MYOM2: variants seen among roughly 807,000 people sequenced by gnomAD.
MYOM2 encodes myomesin 2.
In MYOM2, 254 loss-of-function variants were observed where a neutral mutation model predicts 187.6. The observed-to-expected ratio is 1.35, with a 90% CI of 1.22 to 1.50. The LOEUF (loss-of-function observed/expected upper bound fraction) is 1.50. Ranked by LOEUF, MYOM2 falls within the 40% of genes most tolerant of loss-of-function variation. The pLI is 0.00. For synonymous variants in MYOM2, 981 were observed against 753.8 expected, an observed-to-expected ratio of 1.30 and a Z score of -4.94; for missense variants, 2,796 against 1,924.0, an observed-to-expected ratio of 1.45 and a Z score of -8.48.
chr8:2,069,979 G>A (rs567165837), intron 8 of MYOM2, among the ~76,000 whole-genome samples: 1 of 152,172 alleles, frequency 6.6e-6, no homozygotes, highest in African/African-American at 2.4e-5. Context: ...TCAAAACAAG[G>A]GCAGTGCAGC....
chr8:2,126,220 T>A (rs796942850), intron 31 of MYOM2, among the ~76,000 whole-genome samples: 3 of 152,148 alleles, frequency 2.0e-5, no homozygotes, highest in Non-Finnish European at 4.4e-5. Flanking sequence ...GGGAGTTGGA[T>A]AGGGACAGAG....
At chr8:2,133,842 T>C (rs1797960351) in intron 32 of MYOM2, among the ~76,000 whole-genome samples, 1 of 152,174 alleles carries the variant, frequency 6.6e-6, no homozygotes. Context: ...GTATATAATA[T>C]TCAGTTACAA....
chr8:2,123,623 C>G lies in MYOM2; in HGVS notation c.3636C>G (p.Ile1212Met). The G allele has an allele frequency of 6.2e-7, 1 of 1,614,150 alleles. No homozygotes were observed. The highest frequency in any genetic ancestry group is 8.5e-7 in the Non-Finnish European group (1 of 1,179,996). ...ATGACAGAGGCCAAGATGTGTCCAT[C>G]CTTGAAATAGCTGGCAAAGGTAAAA... ...LKDDRGQDVS[I>M]LEIAGKVYDD... The change falls in exon 30 of 37, where the codon ATC becomes ATG. Residue 1212 changes from isoleucine (I) to methionine (M), a missense_variant. Physicochemically the swap from Ile to Met is conservative, Grantham distance 10. Coordinates refer to ENST00000262113, the MANE Select transcript of MYOM2 (RefSeq NM_003970.4).
chr8:2,137,203 C>T (rs1292590479), intron 32 of MYOM2, among the ~76,000 whole-genome samples: 1 of 151,698 alleles, frequency 6.6e-6, no homozygotes, highest in Non-Finnish European at 1.5e-5. Flanking sequence ...ATCAAGAAAA[C>T]ATTGTCTTCT....
rs959378204 is a variant in MYOM2, at chr8:2,057,733, G to A, written c.513G>A (p.Val171=). The A allele has an allele frequency of 3.1e-6, 5 of 1,614,116 alleles. No homozygotes were observed. Among genetic ancestry groups the A allele is most frequent in the Non-Finnish European group, 4.2e-6 (5 of 1,180,020 alleles). The change falls in exon 5 of 37, where the codon GTG becomes GTA. Residue 171 remains valine, a synonymous_variant. Coordinates refer to ENST00000262113, the MANE Select transcript of MYOM2 (RefSeq NM_003970.4). The part of the protein sequence containing the change: ...RSHTVWERMS[V]KLCFTVQGFP... The stretch of plus-strand genomic sequence containing the variant: ...ACACCGTCTGGGAGAGGATGTCTGT[G>A]AAACTCTGCTTCACCGTGCAAGGAT...
At chr8:2,127,039 G>C (rs1585954126) in intron 31 of MYOM2, among the ~76,000 whole-genome samples, 1 of 151,918 alleles carries the variant, frequency 6.6e-6, no homozygotes, top group Non-Finnish European at 1.5e-5. Flanking sequence ...CTTCTGGTCT[G>C]TGTGCTTTGC....
At chr8:2,079,817 G>C (rs1819560832) in intron 13 of MYOM2, among the ~76,000 whole-genome samples, 1 of 152,174 alleles carries the variant, frequency 6.6e-6, no homozygotes, top group Non-Finnish European at 1.5e-5. Flanking sequence ...GAGAGGGTGG[G>C]AGAAAGGGTG....
chr8:2,061,204 A>G (rs1052682052), intron 6 of MYOM2, among the ~76,000 whole-genome samples: 12 of 151,144 alleles, frequency 7.9e-5, no homozygotes, highest in African/African-American at 2.9e-4. Context: ...CTCTGTCCCC[A>G]TCCAGCCTGG....
At chr8:2,128,643 T>C (rs1355979071) in intron 31 of MYOM2, among the ~76,000 whole-genome samples, 1 of 152,226 alleles carries the variant, frequency 6.6e-6, no homozygotes, top group Non-Finnish European at 1.5e-5. Context: ...TGGGGTTTCT[T>C]CTGCTTTCCT....
chr8:2,095,293 CTT>C lies in MYOM2; in HGVS notation c.2126-940_2126-939del, dbSNP rs201143467. 3.1e-4 allele frequency among the ~76,000 whole-genome samples: 42 copies of C among 136,580 alleles called. No individual in the cohort carries two copies. The East Asian group carries it at 6.6e-3, about 21-fold the overall frequency. The allele number at this position is 136,580 out of a possible 152,430, so 89.6% of individuals were successfully genotyped here. ...ATTCCTACTAAAGGAAAACCACTTTCTTTTTTTTTTTTTTTCGACGTAGAGTC... is the reference window on the plus strand; with the variant it reads ...ATTCCTACTAAAGGAAAACCACTTTCTTTTTTTTTTTTTCGACGTAGAGTC... On this transcript the variant is annotated intron_variant, in intron 17 of 36. Transcript: ENST00000262113.
chr8:2,107,593 T>C (rs1031437351), intron 23 of MYOM2, among the ~76,000 whole-genome samples: 6 of 152,102 alleles, frequency 3.9e-5, no homozygotes, highest in African/African-American at 1.4e-4. Context: ...TGTGCAGGTT[T>C]GGCTCAATGT....
intron 12 of MYOM2, 92 bp downstream of exon 12, chr8:2,079,025 T>G (rs1251289705): frequency 7.9e-7 from 1 of 1,265,150 alleles, no homozygotes; most frequent in Non-Finnish European, 1.1e-6. Flanking sequence ...CAACTCGATG[T>G]GAGCCCTGAG....
rs1819140777 is a variant in MYOM2 at position 2,069,476 on chromosome 8, T to A, written c.772T>A (p.Ser258Thr). 1 of 1,614,224 alleles carries A rather than the reference T, an allele frequency of 6.2e-7. No individual in the cohort carries two copies. Among genetic ancestry groups the A allele is most frequent in the Admixed American group, 1.7e-5 (1 of 60,024 alleles). The change falls in exon 8 of 37, where the codon TCG becomes ACG. Residue 258 changes from serine (S) to threonine (T), a missense_variant. Ser to Thr is a moderately conservative substitution (Grantham distance 58). Transcript: ENST00000262113. ...RFRGDEEPFR[S>T]VGLPIGLPLS... is the part of the protein sequence containing the mutation. The stretch of plus-strand genomic sequence containing the variant: ...CCGGGGAGACGAGGAACCATTCCGT[T>A]CGGTGGGACTCCCGATTGGATGTAA...
intron 3 of MYOM2, 114 bp from the exon 4 acceptor site, chr8:2,057,234 G>C: frequency 8.1e-7 from 1 of 1,241,194 alleles, no homozygotes; most frequent in Non-Finnish European, 1.1e-6. Context: ...TTCTCTTCTT[G>C]AACGCACTTA....
At chr8:2,109,323 C>A in intron 24 of MYOM2, 72 bp from the exon 25 acceptor site, 1 of 1,457,766 alleles carries the variant, frequency 6.9e-7, no homozygotes, top group Non-Finnish European at 9.2e-7. Flanking sequence ...TGATATTTCC[C>A]TACAATTTGC....
rs1796049982 is a variant in MYOM2, at chr8:2,086,358, C to CA, written c.1644+968_1644+969insA. Among the ~76,000 whole-genome samples the CA allele has an allele frequency of 3.1e-5, 3 of 97,526 alleles. 1 individual carries two copies. Among genetic ancestry groups the CA allele is most frequent in the African/African-American group, 1.5e-4 (3 of 19,482 alleles). The allele number at this position is 97,526 out of a possible 152,430, so 64.0% of individuals were successfully genotyped here. ...CCCCACTGTTGTGATCTCTGCGTGG[C>CA]CTCCCACTGTTGTGATCTCTGCGTG... On this transcript the variant is annotated intron_variant, in intron 14 of 36. Coordinates refer to ENST00000262113, the MANE Select transcript of MYOM2 (RefSeq NM_003970.4).
intron 28 of MYOM2, among the ~76,000 whole-genome samples, chr8:2,122,800 G>C (rs962151523): frequency 6.6e-6 from 1 of 152,162 alleles, no homozygotes; most frequent in African/African-American, 2.4e-5. Flanking sequence ...GAGCATTTTT[G>C]TGTTAAGATT....
chr8:2,124,176 C>G lies in MYOM2; in HGVS notation c.3656-3C>G. The G allele has an allele frequency of 6.2e-7, 1 of 1,611,752 alleles. No homozygotes were observed. The highest frequency in any genetic ancestry group is 8.5e-7 in the Non-Finnish European group (1 of 1,178,670). ...AATGGTGCGTATCCCTTCTCATTTT[C>G]AGTGTATGATGATATGATTTTGGCA... On this transcript the variant is annotated splice_region_variant and splice_polypyrimidine_tract_variant and intron_variant, in intron 30 of 36. Coordinates refer to ENST00000262113, the MANE Select transcript of MYOM2 (RefSeq NM_003970.4).
chr8:2,067,596 C>T (rs112082445), intron 6 of MYOM2, among the ~76,000 whole-genome samples: 3 of 152,272 alleles, frequency 2.0e-5, no homozygotes, highest in East Asian at 1.9e-4. Flanking sequence ...TTCCTTACCC[C>T]CTCTTGTCTC....
Sources: allele counts gnomAD v4.1 joint callset (sites outside exome capture counted in the v4.1 genomes callset), GRCh38; gene constraint gnomAD v4.1.1; transcripts MANE v1.5; gene names NCBI Gene and HGNC (gene_info 2026-07-23, HGNC 2026-07-21).